Variants in FAT1 observed in about 807,000 individuals in gnomAD.
The protein encoded by FAT1 is protocadherin Fat 1.
A neutral mutation model predicts 329.8 loss-of-function variants in FAT1; 171 were observed. The ratio of observed to expected loss-of-function variants is 0.52; its 90% CI spans 0.46 to 0.59. The LOEUF (loss-of-function observed/expected upper bound fraction) is 0.59. Among genes scored for constraint, FAT1 ranks in the 20% least tolerant of loss-of-function variants. The probability of loss-of-function intolerance (pLI) is 0.00; values close to 1 mark genes in which losing one functional copy is unlikely to be tolerated. For missense variants in FAT1, 5,672 were observed against 5,774.4 expected, an observed-to-expected ratio of 0.98 and a Z score of 0.57; for synonymous variants, 2,233 against 2,228.6, an observed-to-expected ratio of 1.00 and a Z score of -0.06.
rs2126697284 is a variant in FAT1, at chr4:186,708,541, C to A, written c.1287G>T (p.Gln429His). Residue 429 changes from glutamine (Q) to histidine (H), a missense_variant, in exon 2 of 27, where the codon CAG becomes CAT. Physicochemically the swap from Gln to His is conservative, Grantham distance 24. Coordinates refer to ENST00000441802, the MANE Select transcript of FAT1 (RefSeq NM_005245.4). ...CTTCAAGTTCAAAATGGGCTGCCTG[C>A]TGTCTTTTAACTGGTTCTAAAATAG... ...LISILEPVKR[Q>H]QAAHFELEVT... 1 of 1,613,952 alleles carries A rather than the reference C, an allele frequency of 6.2e-7. No individual in the cohort carries two copies. The highest frequency in any genetic ancestry group is 8.5e-7 in the Non-Finnish European group (1 of 1,179,886).
At chr4:186,717,180 G>C (rs1745249818) in intron 1 of FAT1, among the ~76,000 whole-genome samples, 1 of 151,924 alleles carries the variant, frequency 6.6e-6, no homozygotes, top group African/African-American at 2.4e-5. Context: ...TATTTTTCTA[G>C]TTCAATTATC....
chr4:186,650,110 G>A (rs1741565530), intron 3 of FAT1, among the ~76,000 whole-genome samples: 1 of 152,142 alleles, frequency 6.6e-6, no homozygotes, highest in Non-Finnish European at 1.5e-5. Context: ...CAGCTCCAAA[G>A]GTGATCTGGG....
chr4:186,597,062 G>T lies in FAT1; in HGVS notation c.12478C>A (p.Arg4160Ser), dbSNP rs747946682. 4.3e-6 allele frequency: 7 copies of T among 1,613,970 alleles called. No homozygotes were observed. Among genetic ancestry groups the T allele is most frequent in the Non-Finnish European group, 5.9e-6 (7 of 1,179,910 alleles). The change falls in exon 25 of 27, where the codon CGT (arginine) becomes AGT (serine). Residue 4160 changes from arginine to serine, a missense_variant. Physicochemically the swap from Arg to Ser is moderately radical, Grantham distance 110. Transcript: ENST00000441802. ...TTGGGCGCAGCATCCTCGCAGTGAC[G>T]TCCCCTGTACTCGTGGCTGCAGTTG... ...HCNCSHEYRG[R>S]HCEDAAPNQY... is the part of the protein sequence containing the mutation.
Position 186,618,871 on chromosome 4 carries a change from T to C in FAT1, c.7715A>G (p.Asp2572Gly), listed in dbSNP as rs1310271235. The C allele has an allele frequency of 5.0e-6, 8 of 1,613,906 alleles. No homozygotes were observed. Among genetic ancestry groups the C allele is most frequent in the Non-Finnish European group, 6.8e-6 (8 of 1,179,906 alleles). ...KVISVRLMAK[D>G]AGGKVAFCTV... ...GCAGAAAGCAACTTTTCCTCCAGCA[T>C]CCTTAGCCATTAAACGGACTGAGAT... The change falls in exon 10 of 27, where the codon GAT (aspartate) becomes GGT (glycine). Residue 2572 changes from aspartate (D) to glycine (G), a missense_variant. Around this residue, in one of 2 missense-constraint regions of FAT1, gnomAD observed 3,966 missense variants for 3,915.2 expected, o/e 1.01. Transcript: ENST00000441802.
chr4:186,641,241 T>C (rs1401453904), intron 3 of FAT1, among the ~76,000 whole-genome samples: 1 of 152,238 alleles, frequency 6.6e-6, no homozygotes, highest in Non-Finnish European at 1.5e-5. Context: ...CAGAAGGCTA[T>C]ATCATACCTC....
intron 2 of FAT1, among the ~76,000 whole-genome samples, chr4:186,700,804 C>A (rs1744271576): frequency 6.6e-6 from 1 of 152,158 alleles, no homozygotes; most frequent in Non-Finnish European, 1.5e-5. Context: ...AATGGACTGG[C>A]ACACACAGAA....
At chr4:186,628,002 C>T in intron 9 of FAT1, 152 bp downstream of exon 9, 1 of 843,572 alleles carries the variant, frequency 1.2e-6, no homozygotes, top group Non-Finnish European at 1.8e-6. Flanking sequence ...AAATTCCTTT[C>T]TCCTAACATG....
At chr4:186,674,210 A>T (rs1742850843) in intron 2 of FAT1, among the ~76,000 whole-genome samples, 1 of 152,246 alleles carries the variant, frequency 6.6e-6, no homozygotes, top group Non-Finnish European at 1.5e-5. Flanking sequence ...ATTCAGAAGC[A>T]GAGGCTTAAG....
At position 186,588,516 on chromosome 4, in the gene FAT1, G is replaced by A. The variant is rs2126345291; in HGVS notation, c.*76C>T. On this transcript the variant is annotated 3_prime_UTR_variant, in exon 27 of 27. Coordinates refer to ENST00000441802, the MANE Select transcript of FAT1 (RefSeq NM_005245.4). ...TCACCAAAAAAAGCTTGGAAGCACT[G>A]CTGCAAAGAACAGCGCGGATTACTC... 6.7e-7 allele frequency: 1 copy of A among 1,503,702 alleles called. No individual in the cohort carries two copies. Among genetic ancestry groups the A allele is most frequent in the Non-Finnish European group, 8.9e-7 (1 of 1,128,648 alleles). The allele number at this position is 1,503,702 out of a possible 1,614,324, so 93.1% of individuals were successfully genotyped here.
rs185229452 is a variant in FAT1, at chr4:186,683,193, C to A, written c.3266-19580G>T. ...AGGTGACCACTCCATCTAAGGAGGC[C>A]ATGCACACCCTGCAAAAATCCTTAA... On this transcript the variant is annotated intron_variant, in intron 2 of 26. Coordinates refer to ENST00000441802, the MANE Select transcript of FAT1 (RefSeq NM_005245.4). Among the ~76,000 whole-genome samples, 15 of 152,326 alleles carry A rather than the reference C, an allele frequency of 9.8e-5. 1 individual carries two copies. The East Asian group carries it at 2.9e-3, about 29-fold the overall frequency.
At position 186,663,523 on chromosome 4, in the gene FAT1, A is replaced by G. The variant is rs1294477994; in HGVS notation, c.3356T>C (p.Leu1119Pro). The stretch of plus-strand genomic sequence containing the variant: ...TATGTAGATCTCTATGAACGATGAA[A>G]GAGGCACGACACCCTGATCGGTTGC... The part of the protein sequence containing the change: ...VFATDQGVVP[L>P]SSFIEIYIEV... The change falls in exon 3 of 27, where the codon CTT (leucine) becomes CCT (proline). Residue 1119 changes from leucine (L) to proline (P), a missense_variant. Leu to Pro is a moderately conservative substitution (Grantham distance 98). This residue lies in a region of FAT1 where 3,966 missense variants were observed against 3,915.2 expected (regional missense o/e 1.01). Coordinates refer to ENST00000441802, the MANE Select transcript of FAT1 (RefSeq NM_005245.4). 1 of 1,612,958 alleles carries G rather than the reference A, an allele frequency of 6.2e-7. No homozygotes were observed. Among genetic ancestry groups the G allele is most frequent in the Non-Finnish European group, 8.5e-7 (1 of 1,179,618 alleles).
Position 186,633,684 on chromosome 4 carries a change from C to T in FAT1, c.4323G>A (p.Gln1441=), listed in dbSNP as rs1277650626. Reference sequence around the variant, plus strand: ...AGTGTGTCATTAGTAATTCACTTACCTGAGTGAGGATAGTGGTGGTTCCAT... The same window carrying T: ...AGTGTGTCATTAGTAATTCACTTACTTGAGTGAGGATAGTGGTGGTTCCAT... ...ATDGTTTILT[Q]VFIKVIDTND... is the part of the protein sequence containing the mutation. Residue 1441 remains glutamine, a splice_region_variant and synonymous_variant, in exon 7 of 27, where the codon CAG becomes CAA. Transcript: ENST00000441802. 6.2e-7 allele frequency: 1 copy of T among 1,613,842 alleles called. No individual in the cohort carries two copies. The highest frequency in any genetic ancestry group is 8.5e-7 in the Non-Finnish European group (1 of 1,179,858).
chr4:186,692,327 T>A (rs369658893), intron 2 of FAT1, among the ~76,000 whole-genome samples: 6 of 97,122 alleles, frequency 6.2e-5, no homozygotes, highest in Admixed American at 3.0e-4. Flanking sequence ...TTATTTATTT[T>A]TTTGAGACGG....
At chr4:186,670,822 A>G (rs1398615854) in intron 2 of FAT1, among the ~76,000 whole-genome samples, 1 of 152,130 alleles carries the variant, frequency 6.6e-6, no homozygotes, top group Non-Finnish European at 1.5e-5. Flanking sequence ...GCAAGAGGAG[A>G]CCAGAGAGAC....
At chr4:186,715,615 T>C (rs1745174626) in intron 1 of FAT1, among the ~76,000 whole-genome samples, 1 of 152,120 alleles carries the variant, frequency 6.6e-6, no homozygotes, top group Non-Finnish European at 1.5e-5. Context: ...TCCAACACCA[T>C]TTCATCTAAA....
chr4:186,614,365 A>C (rs1361607655), intron 11 of FAT1, 21 bp from the exon 12 acceptor site: 1 of 1,487,810 alleles, frequency 6.7e-7, no homozygotes, highest in African/African-American at 1.4e-5. Flanking sequence ...TTTAAACAAA[A>C]ACGTTACATA....
intron 18 of FAT1, 58 bp downstream of exon 18, chr4:186,604,319 C>A (rs1021412674): frequency 7.0e-7 from 1 of 1,426,360 alleles, no homozygotes; most frequent in Non-Finnish European, 9.6e-7. Context: ...AGGGGAACCA[C>A]GCCAAGCAGC....
chr4:186,675,752 A>C (rs965932847), intron 2 of FAT1, among the ~76,000 whole-genome samples: 3 of 147,390 alleles, frequency 2.0e-5, no homozygotes, highest in Non-Finnish European at 4.5e-5. Context: ...AAACACACAC[A>C]CACCCACACA....
rs753059895 is a variant in FAT1 at position 186,613,147 on chromosome 4, G to C, written c.9425C>G (p.Thr3142Arg). The C allele has an allele frequency of 6.2e-7, 1 of 1,613,156 alleles. No homozygotes were observed. Among genetic ancestry groups the C allele is most frequent in the Admixed American group, 1.7e-5 (1 of 60,022 alleles). ...TGTGGCCTGCACTCTTGTCAGCAGC[G>C]TTCCCGGCTCTGTGTTTTCAAACAC... The part of the protein sequence containing the change: ...ITVFENTEPG[T>R]LLTRVQATDA... Residue 3142 changes from threonine to arginine, a missense_variant, in exon 13 of 27, where the codon ACG (threonine) becomes AGG (arginine). Transcript: ENST00000441802.
Sources: allele counts gnomAD v4.1 joint callset (sites outside exome capture counted in the v4.1 genomes callset), GRCh38; gene constraint gnomAD v4.1.1; regional missense constraint gnomAD v4.1.1; transcripts MANE v1.5; gene names NCBI Gene and HGNC (gene_info 2026-07-23, HGNC 2026-07-21).